Variants in TPRG1 observed in about 807,000 individuals in gnomAD.
The protein encoded by TPRG1 is tumor protein p63-regulated gene 1 protein.
A neutral mutation model predicts 29.3 loss-of-function variants in TPRG1; 29 were observed. The ratio of observed to expected loss-of-function variants is 0.99; its 90% CI spans 0.74 to 1.35. TPRG1 has a LOEUF of 1.35. Among genes scored for constraint, TPRG1 ranks in the 40% most tolerant of loss-of-function variants. The pLI is 0.00. For missense variants in TPRG1, 327 were observed against 335.0 expected (o/e 0.98, Z 0.19); for synonymous variants, 130 against 116.8 (o/e 1.11, Z -0.73).
intron 4 of TPRG1, among the ~76,000 whole-genome samples, chr3:189,283,878 G>C (rs1306772283): frequency 6.6e-6 from 1 of 152,160 alleles, no homozygotes; most frequent in Non-Finnish European, 1.5e-5. Context: ...CCTGAGTCTT[G>C]TGTTAAATAA....
chr3:189,288,180 A>G (rs1718393099), intron 4 of TPRG1, among the ~76,000 whole-genome samples: 1 of 152,032 alleles, frequency 6.6e-6, no homozygotes, highest in Non-Finnish European at 1.5e-5. Context: ...AGTTTTCAAA[A>G]TGTTTAGATT....
At chr3:189,168,733 A>T (rs919242052), upstream of TPRG1, among the ~76,000 whole-genome samples, 5 of 152,130 alleles carry the variant, frequency 3.3e-5, no homozygotes, top group Non-Finnish European at 5.9e-5. Flanking sequence ...ATTGTCATTG[A>T]ACTCCTCTTT....
At chr3:189,283,334 G>A (rs1474330091) in intron 4 of TPRG1, among the ~76,000 whole-genome samples, 3 of 152,180 alleles carry the variant, frequency 2.0e-5, no homozygotes, top group Non-Finnish European at 4.4e-5. Context: ...TACCAGAGTT[G>A]AGGACTGGAA....
In TPRG1 at chr3:189,183,874, TC is replaced by T. The variant is rs1438880105; in HGVS notation, c.-10+11745del. On this transcript the variant is annotated intron_variant, in intron 1 of 5. Coordinates refer to ENST00000345063, the MANE Select transcript of TPRG1 (RefSeq NM_198485.4). ...TCACAGGGTCCTGAGGGGACATACA[TC>T]CTCCTCGGCTTACGAGATGACAGGA... Among the ~76,000 whole-genome samples, 17 of 150,418 alleles carry T rather than the reference TC, an allele frequency of 1.1e-4. No individual in the cohort carries two copies. The South Asian group carries it at 3.2e-3, about 28-fold the overall frequency.
At chr3:189,257,953 T>G (rs1321080352) in intron 4 of TPRG1, among the ~76,000 whole-genome samples, 1 of 152,228 alleles carries the variant, frequency 6.6e-6, no homozygotes, top group Non-Finnish European at 1.5e-5. Flanking sequence ...ACATGCTCCT[T>G]TAGCTCGGAG....
chr3:189,320,614 TTTC>T lies in TPRG1; in HGVS notation c.634-5_634-3del, dbSNP rs757761232. The T allele has an allele frequency of 8.2e-6, 13 of 1,587,990 alleles. No homozygotes were observed. The highest frequency in any genetic ancestry group is 1.1e-5 in the Non-Finnish European group (13 of 1,169,820). On this transcript the variant is annotated splice_polypyrimidine_tract_variant and intron_variant, in intron 5 of 5. Coordinates refer to ENST00000345063, the MANE Select transcript of TPRG1 (RefSeq NM_198485.4). ...AGTAACTAACTTTGTGCCTTCTTTT[TTTC>T]TTCTTCAGTTGTCTGGGTTCATGTC...
At chr3:189,101,550 A>G (rs1719203666) in intron 1 of TPRG1, among the ~76,000 whole-genome samples, 1 of 152,076 alleles carries the variant, frequency 6.6e-6, no homozygotes, top group Non-Finnish European at 1.5e-5. Flanking sequence ...CACAATTTGC[A>G]ATTCTCCTTC....
intron 5 of TPRG1, among the ~76,000 whole-genome samples, chr3:189,319,848 G>A (rs773382079): frequency 6.6e-6 from 1 of 152,134 alleles, no homozygotes; most frequent in East Asian, 1.9e-4. Flanking sequence ...TGTCTAAAAG[G>A]CGTTTTCTGT....
intron 4 of TPRG1, among the ~76,000 whole-genome samples, chr3:189,262,564 C>A (rs1262630164): frequency 6.6e-6 from 1 of 152,062 alleles, no homozygotes; most frequent in East Asian, 1.9e-4. Flanking sequence ...GGCAAGCAGA[C>A]AGTCATGAAA....
chr3:189,070,429 AATAAGT>A (rs59563616), intron 4 of TPRG1, among the ~76,000 whole-genome samples: 17,388 of 152,088 alleles, frequency 0.11, 1,663 homozygotes, highest in African/African-American at 0.26. Context: ...TGTGCATAAA[AATAAGT>A]ATAAGTCCCC....
At chr3:189,318,056 A>T (rs1399340055) in intron 5 of TPRG1, among the ~76,000 whole-genome samples, 3 of 152,182 alleles carry the variant, frequency 2.0e-5, no homozygotes, top group Non-Finnish European at 1.5e-5. Flanking sequence ...CAGTCTGTCC[A>T]GCAGCGTGAC....
chr3:189,016,235 C>A (rs2152123591), intron 3 of TPRG1, among the ~76,000 whole-genome samples: 1 of 152,250 alleles, frequency 6.6e-6, no homozygotes, highest in South Asian at 2.1e-4. Flanking sequence ...AAAGACTGCC[C>A]TGCTGGGTTT....
chr3:189,083,435 G>A (rs1006284163), intron 4 of TPRG1, among the ~76,000 whole-genome samples: 2 of 152,166 alleles, frequency 1.3e-5, no homozygotes, highest in African/African-American at 4.8e-5. Context: ...CTGGTCCTTG[G>A]GCCTGTCACG....
At chr3:189,318,221 A>G (rs991938407) in intron 5 of TPRG1, among the ~76,000 whole-genome samples, 3 of 152,182 alleles carry the variant, frequency 2.0e-5, no homozygotes, top group East Asian at 3.9e-4. Flanking sequence ...ATTCTCTGCC[A>G]TAGCAAAAGA....
rs140343175 is a variant in TPRG1 at position 189,031,906 on chromosome 3, A to G, written c.-463+7960A>G. On this transcript the variant is annotated intron_variant, in intron 4 of 10. Transcript: ENST00000433971. Reference sequence around the variant, plus strand: ...AATAAAAATAAATAATAATAAGAAGAAGCTAATAGAGTTTGGGAAAGAGGG... The same window carrying G: ...AATAAAAATAAATAATAATAAGAAGGAGCTAATAGAGTTTGGGAAAGAGGG... Among the ~76,000 whole-genome samples, 1,230 of 152,282 alleles carry G rather than the reference A, an allele frequency of 8.1e-3. 21 individuals carry two copies. The highest frequency in any genetic ancestry group is 0.028 in the African/African-American group (1,167 of 41,546).
intron 2 of TPRG1, among the ~76,000 whole-genome samples, chr3:189,207,988 AG>A (rs1256494840): frequency 6.6e-6 from 1 of 152,160 alleles, no homozygotes; most frequent in African/African-American, 2.4e-5. Flanking sequence ...TGGAGTGGAG[AG>A]GGTTGCTAAG....
chr3:189,217,109 A>G (rs556797012), intron 3 of TPRG1, among the ~76,000 whole-genome samples: 3 of 152,230 alleles, frequency 2.0e-5, no homozygotes, highest in African/African-American at 7.2e-5. Flanking sequence ...ATTTTTATTC[A>G]GTGATTATAA....
rs114552899 is a variant in TPRG1 at position 189,271,341 on chromosome 3, A to T, written c.479+32432A>T. On this transcript the variant is annotated intron_variant, in intron 4 of 5. Coordinates refer to ENST00000345063, the MANE Select transcript of TPRG1 (RefSeq NM_198485.4). ...ATGATGGCCTTTGTCTGTCAGCACT[A>T]GTTGACTCCTGCCTGTGTTTATGAT... 5.9e-3 allele frequency among the ~76,000 whole-genome samples: 905 copies of T among 152,330 alleles called. 10 individuals are homozygous for T. The highest frequency in any genetic ancestry group is 0.021 in the African/African-American group (875 of 41,582).
At chr3:189,188,768 C>T (rs1441556232) in intron 1 of TPRG1, among the ~76,000 whole-genome samples, 1 of 152,182 alleles carries the variant, frequency 6.6e-6, no homozygotes, top group Non-Finnish European at 1.5e-5. Context: ...AAGCCTTGCC[C>T]AAGAGACACT....
Sources: allele counts gnomAD v4.1 joint callset (sites outside exome capture counted in the v4.1 genomes callset), GRCh38; gene constraint gnomAD v4.1.1; transcripts MANE v1.5; gene names NCBI Gene and HGNC (gene_info 2026-07-23, HGNC 2026-07-21).